The following LIMK2 variants were observed in gnomAD, a reference collection of about 807,000 sequenced individuals.
LIMK2 encodes LIM domain kinase 2.
Under a neutral mutation model 75.7 loss-of-function variants are expected in LIMK2, and 35 were observed. The ratio of observed to expected loss-of-function variants is 0.46; its 90% CI spans 0.35 to 0.61. LIMK2 has a LOEUF of 0.61. Ranked by LOEUF, LIMK2 falls within the 20% of genes least tolerant of loss-of-function variation. The pLI is 0.00. For synonymous variants in LIMK2, 301 were observed against 319.2 expected, an observed-to-expected ratio of 0.94 and a Z score of 0.61; for missense variants, 623 against 831.0, an observed-to-expected ratio of 0.75 and a Z score of 3.08.
At chr22:31,233,745 T>C (rs1477164840) in intron 2 of LIMK2, among the ~76,000 whole-genome samples, 1 of 152,204 alleles carries the variant, frequency 6.6e-6, no homozygotes, top group African/African-American at 2.4e-5. Context: ...ATGTATGTCA[T>C]TGAGAGGCAC....
At chr22:31,220,923 C>T (rs1010239355) in intron 1 of LIMK2, among the ~76,000 whole-genome samples, 4 of 152,052 alleles carry the variant, frequency 2.6e-5, no homozygotes, top group Admixed American at 2.6e-4. Flanking sequence ...GAGATTGTGC[C>T]ATTGCACTCC....
chr22:31,213,817 C>CTTTTTTTT (rs71689139), intron 1 of LIMK2, among the ~76,000 whole-genome samples: 10 of 145,334 alleles, frequency 6.9e-5, no homozygotes, highest in Non-Finnish European at 7.5e-5. Flanking sequence ...TTTCCAGTAA[C>CTTTTTTTT]TTTTTTTTTT....
Position 31,258,390 on chromosome 22 carries a change from T to C in LIMK2, c.216T>C (p.Cys72=). The change falls in exon 3 of 16, where the codon TGT becomes TGC. Residue 72 remains cysteine (C), a synonymous_variant. Coordinates refer to ENST00000331728, the MANE Select transcript of LIMK2 (RefSeq NM_005569.4). ...KDYWGKFGEF[C]HGCSLLMTGP... ...ACTGGGGGAAGTTTGGGGAGTTCTG[T>C]CATGGGTGCTCCCTGCTGATGACAG... 2.5e-6 allele frequency: 4 copies of C among 1,614,134 alleles called. No individual in the cohort carries two copies. The highest frequency in any genetic ancestry group is 3.4e-6 in the Non-Finnish European group (4 of 1,179,992).
chr22:31,260,831 A>G (rs1377530243), intron 5 of LIMK2, among the ~76,000 whole-genome samples: 1 of 152,232 alleles, frequency 6.6e-6, no homozygotes, highest in Non-Finnish European at 1.5e-5. Context: ...AGTCTTAATC[A>G]TGTCTGATGT....
chr22:31,232,354 T>A (rs978979211), intron 2 of LIMK2, among the ~76,000 whole-genome samples: 14 of 152,004 alleles, frequency 9.2e-5, no homozygotes, highest in Admixed American at 8.5e-4. Flanking sequence ...CCTTAGCCCC[T>A]GTGAGCCTCA....
rs1370401441 is a variant in LIMK2 at position 31,279,442 on chromosome 22, TGG to T, written c.*1002_*1003del. On this transcript the variant is annotated 3_prime_UTR_variant, in exon 16 of 16. Transcript: ENST00000331728. Reference sequence around the variant, plus strand: ...ACCACTGCTCACCCTTCAACATGCCTGGTTTAGGCAGCAGCTTGGGCTGGGAA... The same window carrying T: ...ACCACTGCTCACCCTTCAACATGCCTTTTAGGCAGCAGCTTGGGCTGGGAA... 6.6e-6 allele frequency: 1 copy of T among 152,232 alleles called. No homozygotes were observed. Among genetic ancestry groups the T allele is most frequent in the East Asian group, 1.9e-4 (1 of 5,196 alleles). The allele number at this position is 152,232 out of a possible 1,614,324, so 9.4% of individuals were successfully genotyped here.
intron 2 of LIMK2, among the ~76,000 whole-genome samples, chr22:31,257,871 C>G (rs1347054012): frequency 6.6e-6 from 1 of 152,162 alleles, no homozygotes; most frequent in Non-Finnish European, 1.5e-5. Flanking sequence ...TGCTTTTGTT[C>G]ATTGAAGTAT....
chr22:31,257,074 T>TTTTTTTG (rs1568995462), intron 2 of LIMK2, among the ~76,000 whole-genome samples: 6 of 83,354 alleles, frequency 7.2e-5, no homozygotes, highest in Non-Finnish European at 1.5e-4. Flanking sequence ...TTTTTTTTTT[T>TTTTTTTG]AGAGACGGGG....
chr22:31,272,740 G>A (rs1264513366), intron 13 of LIMK2, 36 bp downstream of exon 13: 7 of 1,548,230 alleles, frequency 4.5e-6, no homozygotes, highest in Non-Finnish European at 6.1e-6. Context: ...CACCCGCAGA[G>A]GGAGGACAGA....
intron 15 of LIMK2, chr22:31,277,516 G>A (rs2049043668): frequency 9.7e-7 from 1 of 1,027,334 alleles, no homozygotes; most frequent in South Asian, 3.9e-5. Context: ...AAGGACCGCA[G>A]TCCTTCAGTA....
At chr22:31,230,927 A>G (rs1017605999) in intron 2 of LIMK2, among the ~76,000 whole-genome samples, 1 of 152,350 alleles carries the variant, frequency 6.6e-6, no homozygotes, top group Middle Eastern at 3.4e-3. Flanking sequence ...ACTCTGTGCC[A>G]GACACCCTCC....
intron 1 of LIMK2, among the ~76,000 whole-genome samples, chr22:31,224,295 A>G (rs5997916): frequency 1.4e-4 from 21 of 152,294 alleles, no homozygotes; most frequent in African/African-American, 4.8e-4. Flanking sequence ...CTGAGCTCAC[A>G]CAACCCTTCA....
At chr22:31,260,143 CT>C in intron 5 of LIMK2, 66 bp downstream of exon 5, 1 of 1,310,912 alleles carries the variant, frequency 7.6e-7, no homozygotes, top group Non-Finnish European at 1.0e-6. Flanking sequence ...CCTCAGAGGG[CT>C]TAGACCTCCA....
chr22:31,239,313 C>T (rs761727398), intron 2 of LIMK2, among the ~76,000 whole-genome samples: 13 of 152,268 alleles, frequency 8.5e-5, no homozygotes, highest in African/African-American at 2.9e-4. Flanking sequence ...CTGTAGGCAA[C>T]TCTTTAGCCT....
At chr22:31,245,315 T>G (rs771607321) in intron 2 of LIMK2, among the ~76,000 whole-genome samples, 1 of 152,176 alleles carries the variant, frequency 6.6e-6, no homozygotes, top group African/African-American at 2.4e-5. Context: ...TTTTTTTTCT[T>G]TTTGAGACAG....
chr22:31,276,512 G>A (rs1052140360), intron 15 of LIMK2, among the ~76,000 whole-genome samples: 111 of 144,668 alleles, frequency 7.7e-4, no homozygotes, highest in African/African-American at 2.7e-3. Context: ...TCGGCGGGGA[G>A]GGGGCGGGGC....
chr22:31,266,139 G>A lies in LIMK2; in HGVS notation c.1041+7G>A, dbSNP rs752091798. The A allele has an allele frequency of 7.4e-5, 119 of 1,613,686 alleles. No homozygotes were observed. The highest frequency in any genetic ancestry group is 1.6e-4 in the Middle Eastern group (1 of 6,076). On this transcript the variant is annotated splice_region_variant and intron_variant, in intron 8 of 15. Coordinates refer to ENST00000331728, the MANE Select transcript of LIMK2 (RefSeq NM_005569.4). ...CTTTGGGCAGGCTATCAAGGTGAGC[G>A]CAGGCAACAATTGCTTTGCTCTTCT...
At chr22:31,213,434 G>A (rs901753347) in intron 1 of LIMK2, among the ~76,000 whole-genome samples, 2 of 152,206 alleles carry the variant, frequency 1.3e-5, no homozygotes, top group African/African-American at 4.8e-5. Flanking sequence ...AGGTGGAGGG[G>A]GGCTGGCTAT....
At chr22:31,240,464 G>A (rs1026463450) in intron 2 of LIMK2, among the ~76,000 whole-genome samples, 2 of 147,686 alleles carry the variant, frequency 1.4e-5, no homozygotes, top group African/African-American at 2.5e-5. Flanking sequence ...TCGCTGTGTC[G>A]CCAGGCTGGA....
Sources: allele counts gnomAD v4.1 joint callset (sites outside exome capture counted in the v4.1 genomes callset), GRCh38; gene constraint gnomAD v4.1.1; transcripts MANE v1.5; gene names NCBI Gene and HGNC (gene_info 2026-07-23, HGNC 2026-07-21).